Variants in EAPP observed in about 807,000 individuals in gnomAD.
EAPP encodes E2F-associated phosphoprotein.
In EAPP, 38 loss-of-function variants were observed where a neutral mutation model predicts 34.3. That is an observed-to-expected ratio of 1.11 (90% CI 0.85 to 1.45). EAPP has a LOEUF of 1.45. EAPP is among the 40% of genes most tolerant of loss of function. EAPP has a pLI of 0.00. For synonymous variants in EAPP, 113 were observed against 117.6 expected (o/e 0.96, Z 0.25); for missense variants, 338 against 343.7 (o/e 0.98, Z 0.13).
At position 34,516,169 on chromosome 14, in the gene EAPP, G is replaced by T; in HGVS notation, c.*141C>A. 1.3e-6 allele frequency: 1 copy of T among 759,666 alleles called. No individual in the cohort carries two copies. The highest frequency in any genetic ancestry group is 2.0e-6 in the Non-Finnish European group (1 of 494,890). 47.1% of individuals were successfully genotyped at this position (759,666 alleles called of 1,614,324 possible). A position where few individuals can be genotyped will look rare whatever the true frequency, so the allele number is the denominator to read the frequency against. ...AGGGTGAGAGATGTAAGAGATGAAT[G>T]AAGGTTGACAACTATTCTCCTTTAA... On this transcript the variant is annotated 3_prime_UTR_variant, in exon 6 of 6. Transcript: ENST00000250454.
intron 5 of EAPP, among the ~76,000 whole-genome samples, chr14:34,519,452 G>A (rs908587834): frequency 6.6e-6 from 1 of 151,656 alleles, no homozygotes; most frequent in African/African-American, 2.4e-5. Flanking sequence ...GGAGAATTGC[G>A]TGAACCTGGG....
intron 3 of EAPP, among the ~76,000 whole-genome samples, chr14:34,532,722 T>C (rs1269951154): frequency 6.6e-6 from 1 of 150,498 alleles, no homozygotes; most frequent in African/African-American, 2.4e-5. Context: ...TTGCCCAGGC[T>C]GGAGTGCAAT....
chr14:34,524,517 G>A (rs1396542251), intron 5 of EAPP, among the ~76,000 whole-genome samples, 180 bp downstream of exon 5: 1 of 152,114 alleles, frequency 6.6e-6, no homozygotes, highest in Non-Finnish European at 1.5e-5. Context: ...CTGGGAGGCT[G>A]AGGCAGGAGA....
chr14:34,538,137 G>C (rs544443995), intron 1 of EAPP, among the ~76,000 whole-genome samples: 1 of 152,160 alleles, frequency 6.6e-6, no homozygotes, highest in African/African-American at 2.4e-5. Context: ...TAGCACTTTG[G>C]GAGCCCGACG....
At chr14:34,539,308 T>C (rs1430125713) in intron 1 of EAPP, 1 of 674,936 alleles carries the variant, frequency 1.5e-6, no homozygotes, top group Non-Finnish European at 2.7e-6. Context: ...CTCATTGCTT[T>C]TGAAGATTTA....
chr14:34,518,031 C>A (rs559426288), intron 5 of EAPP, among the ~76,000 whole-genome samples: 1 of 152,158 alleles, frequency 6.6e-6, no homozygotes, highest in African/African-American at 2.4e-5. Context: ...CTTTAGCCTC[C>A]CAAAGTGCTG....
At position 34,533,539 on chromosome 14, in the gene EAPP, C is replaced by G. The variant is rs758757591; in HGVS notation, c.257G>C (p.Gly86Ala). The change falls in exon 3 of 6, where the codon GGA becomes GCA. Residue 86 changes from glycine to alanine, a missense_variant and splice_region_variant. Physicochemically the swap from Gly to Ala is moderately conservative, Grantham distance 60 (BLOSUM62 0). Coordinates refer to ENST00000250454, the MANE Select transcript of EAPP (RefSeq NM_018453.4). ...AACTTTTCCATTTCCTGAGGAAGATCCTATTCAAACCAGAAGTAAAGTTTA... is the reference window on the plus strand; with the variant it reads ...AACTTTTCCATTTCCTGAGGAAGATGCTATTCAAACCAGAAGTAAAGTTTA... ...MEDKLSSLGT[G>A]SSSGNGKVAT... The G allele has an allele frequency of 1.3e-6, 2 of 1,567,988 alleles. No individual in the cohort carries two copies. The highest frequency in any genetic ancestry group is 2.8e-5 in the African/African-American group (2 of 72,154).
intron 5 of EAPP, among the ~76,000 whole-genome samples, chr14:34,517,794 A>C (rs1879786519): frequency 6.7e-6 from 1 of 148,496 alleles, no homozygotes; most frequent in African/African-American, 2.5e-5. Flanking sequence ...TTTTTTTTTG[A>C]GATGGAGTCT....
At chr14:34,536,900 T>C (rs1880497285) in intron 1 of EAPP, among the ~76,000 whole-genome samples, 1 of 152,120 alleles carries the variant, frequency 6.6e-6, no homozygotes, top group African/African-American at 2.4e-5. Flanking sequence ...GATATATAGA[T>C]AGATAGATAT....
rs574712854 is a variant in EAPP at position 34,539,699 on chromosome 14, C to T, written c.-71G>A. On this transcript the variant is annotated 5_prime_UTR_variant, in exon 1 of 6. Transcript: ENST00000250454. ...CTCTGTTTACACTGCAAGTCCAGTC[C>T]CTAAAGCGCCCCTGACGCCACTTCC... 1,220 of 1,413,610 alleles carry T rather than the reference C, an allele frequency of 8.6e-4. 28 individuals are homozygous for T. In the South Asian group the frequency reaches 0.017, roughly 20 times the overall value. The allele number at this position is 1,413,610 out of a possible 1,614,324, so 87.6% of individuals were successfully genotyped here.
intron 4 of EAPP, among the ~76,000 whole-genome samples, chr14:34,527,564 T>A (rs1262035518): frequency 6.6e-6 from 1 of 152,094 alleles, no homozygotes; most frequent in Non-Finnish European, 1.5e-5. Context: ...CATCCATCCC[T>A]CAGTGGATGA....
chr14:34,521,635 CTT>C (rs34835280), intron 5 of EAPP, among the ~76,000 whole-genome samples: 29 of 129,652 alleles, frequency 2.2e-4, no homozygotes, highest in East Asian at 9.0e-4. Flanking sequence ...TCCCAGATTT[CTT>C]TTTTTTTTTT....
At chr14:34,526,706 A>G (rs1230679456) in intron 4 of EAPP, among the ~76,000 whole-genome samples, 2 of 151,570 alleles carry the variant, frequency 1.3e-5, no homozygotes, top group East Asian at 3.9e-4. Flanking sequence ...TGGGCAACAT[A>G]GCAAGACCTT....
chr14:34,536,313 A>G (rs1405633979), intron 1 of EAPP, 38 bp from the exon 2 acceptor site: 2 of 1,483,128 alleles, frequency 1.3e-6, no homozygotes, highest in Non-Finnish European at 1.8e-6. Context: ...ATGAATATTT[A>G]AAAATTAAAA....
chr14:34,535,823 G>C (rs1880454247), intron 2 of EAPP: 1 of 282,268 alleles, frequency 3.5e-6, no homozygotes, highest in African/African-American at 2.2e-5. Context: ...TTTGAGCCCA[G>C]GAGTTTTAGG....
chr14:34,536,114 T>G lies in EAPP; in HGVS notation c.236A>C (p.Lys79Thr). The G allele has an allele frequency of 6.2e-7, 1 of 1,610,698 alleles. No individual in the cohort carries two copies. The highest frequency in any genetic ancestry group is 1.1e-5 in the South Asian group (1 of 89,930). Residue 79 changes from lysine to threonine, a missense_variant, in exon 2 of 6, where the codon AAG becomes ACG. By Grantham distance (78) the Lys-to-Thr change is moderately conservative (BLOSUM62 -1). Coordinates refer to ENST00000250454, the MANE Select transcript of EAPP (RefSeq NM_018453.4). ...TTTACCAGTTCCCAGAGAGGATAAC[T>G]TGTCCTCCATTGTTTTCATGGTAGA... ...LNSTMKTMED[K>T]LSSLGTGSSS...
chr14:34,517,057 C>A (rs1014144730), intron 5 of EAPP, among the ~76,000 whole-genome samples: 1 of 151,664 alleles, frequency 6.6e-6, no homozygotes, highest in African/African-American at 2.4e-5. Flanking sequence ...CCTGCCTCAG[C>A]CTCCCGAGTA....
At chr14:34,529,770 CT>C (rs1880219765) in intron 3 of EAPP, among the ~76,000 whole-genome samples, 1 of 152,110 alleles carries the variant, frequency 6.6e-6, no homozygotes, top group African/African-American at 2.4e-5. Context: ...AATCCCAGCA[CT>C]TTGGGAGACC....
rs1469102333 is a variant in EAPP at position 34,539,614 on chromosome 14, C to T, written c.15G>A (p.Pro5=). 1.3e-6 allele frequency: 2 copies of T among 1,576,252 alleles called. No individual in the cohort carries two copies. Among genetic ancestry groups the T allele is most frequent in the East Asian group, 4.5e-5 (2 of 44,338 alleles). The change falls in exon 1 of 6, where the codon CCG becomes CCA. Residue 5 remains proline (P), a synonymous_variant. Transcript: ENST00000250454. MNRL[P]DDYDPYAVEE... is the part of the protein sequence containing the mutation. ...CAACCGCGTAGGGGTCGTAGTCATC[C>T]GGAAGCCGGTTCATGGTGGCCTGCA...
Sources: allele counts gnomAD v4.1 joint callset (sites outside exome capture counted in the v4.1 genomes callset), GRCh38; gene constraint gnomAD v4.1.1; transcripts MANE v1.5; gene names NCBI Gene and HGNC (gene_info 2026-07-23, HGNC 2026-07-21).